NR5A2: variants seen among roughly 807,000 people sequenced by gnomAD.
NR5A2 encodes the protein CYP7A promoter-binding factor.
Under a neutral mutation model 62.7 loss-of-function variants are expected in NR5A2, and 26 were observed. The ratio of observed to expected loss-of-function variants is 0.41; its 90% CI spans 0.30 to 0.58. NR5A2 has a LOEUF of 0.58. Among genes scored for constraint, NR5A2 ranks in the 20% least tolerant of loss-of-function variants. The pLI is 0.22. For synonymous variants in NR5A2, 246 were observed against 241.7 expected (o/e 1.02, Z -0.16); for missense variants, 541 against 669.1 (o/e 0.81, Z 2.11).
chr1:200,143,034 AGT>A (rs1175589363), intron 7 of NR5A2, among the ~76,000 whole-genome samples: 2 of 151,078 alleles, frequency 1.3e-5, no homozygotes, highest in Non-Finnish European at 2.9e-5. Context: ...GTATGTAAAA[AGT>A]GTGTGTGTAT....
chr1:200,030,684 A>G (rs1661517179), intron 1 of NR5A2, among the ~76,000 whole-genome samples: 1 of 152,238 alleles, frequency 6.6e-6, no homozygotes, highest in Admixed American at 6.5e-5. Context: ...ATATTTATTG[A>G]CCACTCCCAC....
At position 200,043,901 on chromosome 1, in the gene NR5A2, A is replaced by G; in HGVS notation, c.321+9A>G. 1 of 1,532,464 alleles carries G rather than the reference A, an allele frequency of 6.5e-7. No homozygotes were observed. The highest frequency in any genetic ancestry group is 9.0e-7 in the Non-Finnish European group (1 of 1,109,000). 94.9% of individuals were successfully genotyped at this position (1,532,464 alleles called of 1,614,324 possible). On this transcript the variant is annotated intron_variant, in intron 3 of 7. Transcript: ENST00000367362. ...CCTGTGAAAGCTGCAAGGTTTGCTC[A>G]CACATTGCTACCTGAAAAATATAAT...
chr1:200,141,154 T>TG (rs920786327), intron 7 of NR5A2, among the ~76,000 whole-genome samples: 3 of 152,216 alleles, frequency 2.0e-5, no homozygotes, highest in Admixed American at 2.0e-4. Flanking sequence ...TTGTATGTGT[T>TG]GGGGGGTGGG....
rs1249879524 is a variant in NR5A2, at chr1:200,174,260, G to A, written c.*50G>A. ...TTCAAAACAAAAAGAGATTGGGGGA[G>A]TGGGGAGGGGGAAGAAGAACAGGAA... On this transcript the variant is annotated 3_prime_UTR_variant, in exon 8 of 8. Transcript: ENST00000367362. 1.4e-6 allele frequency: 2 copies of A among 1,466,432 alleles called. No individual in the cohort carries two copies. Among genetic ancestry groups the A allele is most frequent in the Non-Finnish European group, 1.8e-6 (2 of 1,108,006 alleles). The allele number at this position is 1,466,432 out of a possible 1,614,324, so 90.8% of individuals were successfully genotyped here. A position where few individuals can be genotyped will look rare whatever the true frequency, so the allele number is the denominator to read the frequency against.
At chr1:200,064,355 T>C (rs1484054793) in intron 5 of NR5A2, among the ~76,000 whole-genome samples, 2 of 152,180 alleles carry the variant, frequency 1.3e-5, no homozygotes, top group Non-Finnish European at 2.9e-5. Context: ...TAAGATTATG[T>C]TTGAACTGGA....
At chr1:200,042,982 A>G (rs1043186679) in intron 2 of NR5A2, 3 of 985,368 alleles carry the variant, frequency 3.0e-6, no homozygotes, top group Non-Finnish European at 3.6e-6. Context: ...ATATTTTGCT[A>G]TGATGATCGG....
At chr1:200,071,494 C>G (rs1247805094) in intron 5 of NR5A2, among the ~76,000 whole-genome samples, 2 of 152,196 alleles carry the variant, frequency 1.3e-5, no homozygotes, top group Non-Finnish European at 2.9e-5. Flanking sequence ...TGTTTCATTA[C>G]ACTTGAGTAT....
intron 5 of NR5A2, among the ~76,000 whole-genome samples, chr1:200,054,666 G>A (rs1177512498): frequency 1.3e-5 from 2 of 152,186 alleles, no homozygotes; most frequent in Non-Finnish European, 2.9e-5. Flanking sequence ...CCATGCTGAA[G>A]TTGGTTTTTA....
At chr1:200,084,804 A>G (rs1664450459) in intron 5 of NR5A2, among the ~76,000 whole-genome samples, 1 of 152,260 alleles carries the variant, frequency 6.6e-6, no homozygotes. Flanking sequence ...TGTGGTATCA[A>G]AGCATACTGT....
chr1:200,125,142 C>T (rs755179049), intron 7 of NR5A2, among the ~76,000 whole-genome samples: 1 of 152,156 alleles, frequency 6.6e-6, no homozygotes, highest in Non-Finnish European at 1.5e-5. Context: ...TTCATAAGCT[C>T]TTTGGGAAAG....
At chr1:200,112,805 T>C (rs915653774) in intron 6 of NR5A2, among the ~76,000 whole-genome samples, 2 of 152,164 alleles carry the variant, frequency 1.3e-5, no homozygotes, top group African/African-American at 4.8e-5. Flanking sequence ...AGTCTAATCA[T>C]TGGGTGTGCC....
chr1:200,043,733 A>C, intron 2 of NR5A2, 41 bp from the exon 3 acceptor site: 1 of 1,296,734 alleles, frequency 7.7e-7, no homozygotes, highest in African/African-American at 1.5e-5. Flanking sequence ...CCTACATGTA[A>C]ATTAATTGAA....
intron 1 of NR5A2, among the ~76,000 whole-genome samples, 171 bp downstream of exon 1, chr1:200,028,082 A>C (rs1190984981): frequency 6.6e-6 from 1 of 152,162 alleles, no homozygotes; most frequent in Non-Finnish European, 1.5e-5. Context: ...CTTGCAGTTC[A>C]AAAAAAGCAA....
At chr1:200,035,179 G>T (rs1661719148) in intron 1 of NR5A2, among the ~76,000 whole-genome samples, 1 of 152,240 alleles carries the variant, frequency 6.6e-6, no homozygotes, top group Admixed American at 6.5e-5. Flanking sequence ...AAAAAATCTA[G>T]ACTTCTTTCG....
chr1:200,081,947 C>T (rs978242083), intron 5 of NR5A2, among the ~76,000 whole-genome samples: 1 of 151,606 alleles, frequency 6.6e-6, no homozygotes, highest in Non-Finnish European at 1.5e-5. Context: ...TTAATTATGC[C>T]CCTTAATTAA....
intron 6 of NR5A2, among the ~76,000 whole-genome samples, chr1:200,112,592 G>C (rs1666006218): frequency 6.6e-6 from 1 of 152,180 alleles, no homozygotes; most frequent in Admixed American, 6.5e-5. Flanking sequence ...TTAAAAGCAA[G>C]CACTATTTCA....
chr1:200,086,523 G>GAA (rs1027436862), intron 5 of NR5A2, among the ~76,000 whole-genome samples: 1 of 152,108 alleles, frequency 6.6e-6, no homozygotes, highest in African/African-American at 2.4e-5. Context: ...GGCTGGTCTT[G>GAA]AACTGCCAAC....
At chr1:200,034,986 C>A (rs558726404) in intron 1 of NR5A2, among the ~76,000 whole-genome samples, 4 of 151,962 alleles carry the variant, frequency 2.6e-5, no homozygotes, top group South Asian at 4.2e-4. Context: ...GTAGCCCAGC[C>A]CTCTGAGCCA....
At position 200,147,979 on chromosome 1, in the gene NR5A2, C is replaced by T. The variant is rs1038906200; in HGVS notation, c.1379-25984C>T. 17 of 317,724 alleles carry T rather than the reference C, an allele frequency of 5.4e-5. No individual in the cohort carries two copies. Among genetic ancestry groups the T allele is most frequent in the African/African-American group, 3.8e-4 (17 of 45,138 alleles). 19.7% of individuals were successfully genotyped at this position (317,724 alleles called of 1,614,324 possible). ...TGGTAGGCGATGCATCGGGCGGCCG[C>T]CTTGACCTCCTCCCGCGAGCCGAAA... On this transcript the variant is annotated intron_variant, in intron 7 of 7. Coordinates refer to ENST00000367362, the MANE Select transcript of NR5A2 (RefSeq NM_205860.3). This position sits in a 1 kb window ranked among gnomAD's most constrained non-coding sequence, Gnocchi z 4.9.
Sources: gnomAD v4.1 joint callset for allele counts (sites outside exome capture counted in the v4.1 genomes callset) on GRCh38, gnomAD v4.1.1 for gene constraint, Gnocchi (gnomAD v3.1) non-coding constraint, MANE v1.5 for transcripts, NCBI Gene and HGNC (gene_info 2026-07-23, HGNC 2026-07-21) for gene names.